Variants in PLA2R1 observed in about 807,000 individuals in gnomAD.
PLA2R1 encodes the protein phospholipase A2 receptor 1, also known as secretory phospholipase A2 receptor.
A neutral mutation model predicts 195.9 loss-of-function variants in PLA2R1; 158 were observed. The observed-to-expected ratio is 0.81, with a 90% CI of 0.71 to 0.92. The LOEUF (loss-of-function observed/expected upper bound fraction) is 0.92, where lower values mean the gene tolerates loss of function less well. PLA2R1 is among the 40% of genes least tolerant of loss of function. The pLI, the probability that PLA2R1 is intolerant of heterozygous loss-of-function variation, is 0.00. For synonymous variants in PLA2R1, 586 were observed against 598.2 expected, an observed-to-expected ratio of 0.98 and a Z score of 0.30; for missense variants, 1,626 against 1,764.6, an observed-to-expected ratio of 0.92 and a Z score of 1.41.
intron 3 of PLA2R1, among the ~76,000 whole-genome samples, chr2:160,036,938 C>T (rs544179339): frequency 2.7e-4 from 41 of 152,276 alleles, no homozygotes; most frequent in African/African-American, 9.4e-4. Context: ...CTTTGTTATA[C>T]CATTGTAGTG....
chr2:160,060,147 T>C (rs1025550944), intron 1 of PLA2R1, among the ~76,000 whole-genome samples: 8 of 152,200 alleles, frequency 5.3e-5, no homozygotes, highest in Admixed American at 5.2e-4. Context: ...CTGCTGTGCA[T>C]TATTACATAG....
chr2:159,964,556 G>A (rs17829052), intron 20 of PLA2R1, among the ~76,000 whole-genome samples: 55,679 of 151,974 alleles, frequency 0.37, 12,846 homozygotes, highest in Non-Finnish European at 0.51. Flanking sequence ...TGAGAAAATA[G>A]GAAGTATACA....
At chr2:160,032,066 T>A (rs2105522589) in intron 4 of PLA2R1, among the ~76,000 whole-genome samples, 1 of 152,380 alleles carries the variant, frequency 6.6e-6, no homozygotes, top group Admixed American at 6.5e-5. Context: ...TGCACCTGGC[T>A]GCTGCCACGT....
chr2:159,992,741 A>G (rs1418737057), intron 11 of PLA2R1, among the ~76,000 whole-genome samples: 4 of 152,174 alleles, frequency 2.6e-5, no homozygotes, highest in Non-Finnish European at 5.9e-5. Context: ...AGCTGGAGGC[A>G]TCACACTACC....
chr2:160,057,182 A>G (rs2667033), intron 1 of PLA2R1, among the ~76,000 whole-genome samples: 120,207 of 152,136 alleles, frequency 0.79, 48,432 homozygotes, highest in African/African-American at 0.95. Context: ...GGAAAGTCCT[A>G]CTAGTCAAAG....
chr2:159,987,639 C>T (rs953674916), intron 11 of PLA2R1, among the ~76,000 whole-genome samples: 1 of 152,168 alleles, frequency 6.6e-6, no homozygotes, highest in Admixed American at 6.5e-5. Flanking sequence ...GAACTAGGAG[C>T]TATTCCTATC....
At chr2:159,925,913 A>C in the PLA2R1 span, among the ~76,000 whole-genome samples, 2 of 152,274 alleles carry the variant, frequency 1.3e-5, no homozygotes, top group African/African-American at 4.8e-5. Flanking sequence ...CACTGACAAA[A>C]TGCCCGTCTC....
Position 159,977,406 on chromosome 2 carries a change from G to A in PLA2R1, c.2279C>T (p.Ser760Leu), listed in dbSNP as rs1689642960. The A allele has an allele frequency of 2.5e-6, 4 of 1,612,566 alleles. No individual in the cohort carries two copies. The highest frequency in any genetic ancestry group is 2.5e-6 in the Non-Finnish European group (3 of 1,179,062). The change falls in exon 15 of 30, where the codon TCG becomes TTG. Residue 760 changes from serine to leucine, a missense_variant. Coordinates refer to ENST00000283243, the MANE Select transcript of PLA2R1 (RefSeq NM_007366.5). ...EWSDRTPVVS[S>L]FLDNTYFGED... is the part of the protein sequence containing the mutation. ...TCCAAAATAAGTGTTGTCTAAAAAC[G>A]AAGAGACAACCTGCAGCAGATGAAG...
intron 27 of PLA2R1, chr2:159,946,073 G>A (rs982063318): frequency 1.0e-6 from 1 of 961,410 alleles, no homozygotes; most frequent in Non-Finnish European, 1.2e-6. Flanking sequence ...ATGTACCAAG[G>A]GGGTAGGGGC....
chr2:159,929,872 G>GTA (rs71000319), downstream of PLA2R1, among the ~76,000 whole-genome samples: 795 of 148,192 alleles, frequency 5.4e-3, 7 homozygotes, highest in African/African-American at 0.014. Context: ...GTGTGTGTGT[G>GTA]TATATATATA....
At chr2:160,050,340 G>C (rs561829765) in intron 1 of PLA2R1, among the ~76,000 whole-genome samples, 2 of 152,350 alleles carry the variant, frequency 1.3e-5, no homozygotes, top group East Asian at 3.9e-4. Context: ...CTGGAAGGAA[G>C]ACGGGTGTGG....
chr2:159,991,442 T>C (rs1006333031), intron 11 of PLA2R1, among the ~76,000 whole-genome samples: 3 of 149,894 alleles, frequency 2.0e-5, no homozygotes, highest in African/African-American at 7.4e-5. Flanking sequence ...TTTCTTTCTT[T>C]TTTTTTTTTT....
chr2:160,030,924 A>G (rs987027021), intron 4 of PLA2R1, among the ~76,000 whole-genome samples: 37 of 152,326 alleles, frequency 2.4e-4, no homozygotes, highest in African/African-American at 8.4e-4. Flanking sequence ...AATTTGATGA[A>G]TAAGTCCAGA....
At chr2:160,021,093 G>A (rs1416526411) in intron 7 of PLA2R1, among the ~76,000 whole-genome samples, 1 of 152,132 alleles carries the variant, frequency 6.6e-6, no homozygotes, top group Non-Finnish European at 1.5e-5. Flanking sequence ...TTTAATGATA[G>A]TCTAGCTTAA....
intron 1 of PLA2R1, among the ~76,000 whole-genome samples, chr2:160,052,597 ACT>A (rs1324718417): frequency 6.6e-6 from 1 of 152,148 alleles, no homozygotes; most frequent in Non-Finnish European, 1.5e-5. Flanking sequence ...TATCTTATTG[ACT>A]CTGTTGAAAA....
chr2:160,023,913 C>A (rs541902994), intron 6 of PLA2R1, among the ~76,000 whole-genome samples: 1 of 150,712 alleles, frequency 6.6e-6, no homozygotes, highest in African/African-American at 2.5e-5. Flanking sequence ...CCCCAACCCC[C>A]GTTATAAGCA....
At chr2:159,994,695 A>G (rs1256857501) in intron 11 of PLA2R1, among the ~76,000 whole-genome samples, 1 of 152,062 alleles carries the variant, frequency 6.6e-6, no homozygotes, top group African/African-American at 2.4e-5. Context: ...TCATGAAATG[A>G]TAATTGCTGA....
intron 11 of PLA2R1, among the ~76,000 whole-genome samples, chr2:159,996,722 A>C (rs1691237631): frequency 6.6e-6 from 1 of 151,886 alleles, no homozygotes; most frequent in African/African-American, 2.4e-5. Context: ...GTTCTGTTTC[A>C]GTCTTTTTCC....
intron 10 of PLA2R1, among the ~76,000 whole-genome samples, chr2:160,007,989 A>C (rs370290513): frequency 6.6e-6 from 1 of 152,358 alleles, no homozygotes; most frequent in East Asian, 1.9e-4. Flanking sequence ...TTCCAAACTT[A>C]CTACAAAGCT....
Sources: gnomAD v4.1 joint callset for allele counts (sites outside exome capture counted in the v4.1 genomes callset) on GRCh38, gnomAD v4.1.1 for gene constraint, MANE v1.5 for transcripts, NCBI Gene and HGNC (gene_info 2026-07-23, HGNC 2026-07-21) for gene names.